Variants in RNF11 observed in about 807,000 individuals in gnomAD.
RNF11 encodes ring finger protein 11.
RNF11 carries 4 observed loss-of-function variants against 15.8 expected under a neutral mutation model. The ratio of observed to expected loss-of-function variants is 0.25; its 90% CI spans 0.12 to 0.58. The LOEUF (loss-of-function observed/expected upper bound fraction) is 0.58, where lower values mean the gene tolerates loss of function less well. RNF11 is among the 20% of genes least tolerant of loss of function. RNF11 has a pLI of 0.91. For synonymous variants in RNF11, 68 were observed against 72.3 expected (o/e 0.94, Z 0.30); for missense variants, 139 against 194.4 (o/e 0.71, Z 1.70).
intron 1 of RNF11, among the ~76,000 whole-genome samples, chr1:51,237,820 T>A (rs1161189812): frequency 2.0e-5 from 3 of 152,168 alleles, no homozygotes; most frequent in Admixed American, 1.3e-4. Context: ...GCTTCAATAG[T>A]AGTAGTGCTT....
intron 1 of RNF11, among the ~76,000 whole-genome samples, chr1:51,254,310 G>A (rs1344836068): frequency 1.3e-5 from 2 of 151,960 alleles, no homozygotes; most frequent in Non-Finnish European, 2.9e-5. Context: ...TTTTTGAGAT[G>A]GAGTCTTGCT....
intron 1 of RNF11, among the ~76,000 whole-genome samples, chr1:51,237,810 G>A (rs1278097820): frequency 7.9e-5 from 12 of 152,114 alleles, no homozygotes; most frequent in Admixed American, 7.9e-4. Flanking sequence ...TTTCCAGAGG[G>A]CTTCAATAGT....
At chr1:51,254,050 A>G (rs1187160542) in intron 1 of RNF11, among the ~76,000 whole-genome samples, 1 of 152,206 alleles carries the variant, frequency 6.6e-6, no homozygotes, top group African/African-American at 2.4e-5. Context: ...ATCATCCTAA[A>G]TAATTTATCG....
chr1:51,240,622 T>A (rs1646825176), intron 1 of RNF11, among the ~76,000 whole-genome samples: 1 of 152,238 alleles, frequency 6.6e-6, no homozygotes, highest in Admixed American at 6.5e-5. Flanking sequence ...GTAATTTGGT[T>A]GAACGAATGA....
chr1:51,246,122 G>A (rs368930242), intron 1 of RNF11, among the ~76,000 whole-genome samples: 2 of 152,054 alleles, frequency 1.3e-5, no homozygotes, highest in Admixed American at 6.5e-5. Context: ...AAAAATAGCC[G>A]GGTGTGGTGG....
At chr1:51,246,933 G>A (rs998901147) in intron 1 of RNF11, among the ~76,000 whole-genome samples, 8 of 148,664 alleles carry the variant, frequency 5.4e-5, no homozygotes, top group Non-Finnish European at 1.2e-4. Flanking sequence ...AGTTATAATT[G>A]AGCCACTGCA....
Position 51,272,268 on chromosome 1 carries a change from A to G in RNF11, c.*946A>G, listed in dbSNP as rs1646982537. The stretch of plus-strand genomic sequence containing the variant: ...TAGTTACTCAGTTGTAAAAATTTTG[A>G]TTTATTCTCTTTCTTCTGACCTCCT... On this transcript the variant is annotated 3_prime_UTR_variant, in exon 3 of 3. Coordinates refer to ENST00000242719, the MANE Select transcript of RNF11 (RefSeq NM_014372.5). 1 of 152,596 alleles carries G rather than the reference A, an allele frequency of 6.6e-6. No individual in the cohort carries two copies. Among genetic ancestry groups the G allele is most frequent in the Non-Finnish European group, 1.5e-5 (1 of 68,012 alleles). The allele number at this position is 152,596 out of a possible 1,614,324, so 9.5% of individuals were successfully genotyped here. A position where few individuals can be genotyped will look rare whatever the true frequency, so the allele number is the denominator to read the frequency against.
chr1:51,242,326 T>C (rs1039243163), intron 1 of RNF11, among the ~76,000 whole-genome samples: 10 of 119,692 alleles, frequency 8.4e-5, no homozygotes, highest in African/African-American at 2.6e-4. Context: ...TCAAGATACC[T>C]TTTTTTTTTT....
intron 1 of RNF11, among the ~76,000 whole-genome samples, chr1:51,243,679 T>C (rs1646840002): frequency 6.6e-6 from 1 of 152,190 alleles, no homozygotes; most frequent in African/African-American, 2.4e-5. Context: ...CCTCAGGTAA[T>C]CCACTCACCT....
chr1:51,236,439 A>G lies in RNF11; in HGVS notation c.-318A>G, dbSNP rs1320781912. 1 of 218,500 alleles carries G rather than the reference A, an allele frequency of 4.6e-6. No homozygotes were observed. Among genetic ancestry groups the G allele is most frequent in the African/African-American group, 2.4e-5 (1 of 41,378 alleles). The allele number at this position is 218,500 out of a possible 1,614,324, so 13.5% of individuals were successfully genotyped here. A position where few individuals can be genotyped will look rare whatever the true frequency, so the allele number is the denominator to read the frequency against. ...CCCGCTGACCTGGATTAGGCCCAGC[A>G]GCTCCGTGGCCGCCGCCGCCCCGCG... On this transcript the variant is annotated 5_prime_UTR_variant, in exon 1 of 3. Transcript: ENST00000242719.
chr1:51,250,823 G>T (rs976632465), intron 1 of RNF11: 15 of 1,394,788 alleles, frequency 1.1e-5, no homozygotes, highest in Non-Finnish European at 1.3e-5. Context: ...AGCAGTCATC[G>T]ATACCAGCCA....
In RNF11 at chr1:51,270,132, TTTAA is replaced by T. The variant is rs781480664; in HGVS notation, c.293+14_293+17del. On this transcript the variant is annotated splice_region_variant and intron_variant, in intron 2 of 2. Transcript: ENST00000242719. ...CAGAAAAAAAGATCCGGGAGTAAGT[TTTAA>T]TTAATTTGTACATTTCAAAGTTTTA... 1 of 1,584,068 alleles carries T rather than the reference TTTAA, an allele frequency of 6.3e-7. No individual in the cohort carries two copies. Among genetic ancestry groups the T allele is most frequent in the Non-Finnish European group, 8.5e-7 (1 of 1,169,894 alleles).
At chr1:51,267,486 A>T (rs1482355576) in intron 1 of RNF11, among the ~76,000 whole-genome samples, 5 of 152,214 alleles carry the variant, frequency 3.3e-5, no homozygotes. Flanking sequence ...TCTAAAGGGA[A>T]CTAAGCACAA....
intron 1 of RNF11, among the ~76,000 whole-genome samples, chr1:51,257,403 G>A (rs1646908599): frequency 6.6e-6 from 1 of 152,212 alleles, no homozygotes; most frequent in South Asian, 2.1e-4. Context: ...GGCCCCAATT[G>A]GGTCCACTTG....
At chr1:51,246,433 G>T (rs1036858542) in intron 1 of RNF11, among the ~76,000 whole-genome samples, 1 of 152,118 alleles carries the variant, frequency 6.6e-6, no homozygotes, top group East Asian at 1.9e-4. Context: ...AAATTAGTCA[G>T]GTGTGTTGGC....
At chr1:51,255,283 CAG>C (rs1646899394) in intron 1 of RNF11, among the ~76,000 whole-genome samples, 1 of 152,096 alleles carries the variant, frequency 6.6e-6, no homozygotes, top group South Asian at 2.1e-4. Context: ...TTTTTAGTGA[CAG>C]GGTCTCACAC....
intron 1 of RNF11, among the ~76,000 whole-genome samples, chr1:51,246,886 G>C (rs1372519094): frequency 6.6e-6 from 1 of 151,284 alleles, no homozygotes; most frequent in Non-Finnish European, 1.5e-5. Context: ...GCTGAGGCAG[G>C]AGGGTTACCT....
intron 1 of RNF11, among the ~76,000 whole-genome samples, chr1:51,245,051 T>C (rs766043876): frequency 3.3e-5 from 5 of 152,204 alleles, no homozygotes; most frequent in South Asian, 2.1e-4. Flanking sequence ...GAAATACTTA[T>C]GTAGATTGGG....
At chr1:51,251,262 A>C (rs1646876187) in intron 1 of RNF11, 2 of 1,340,962 alleles carry the variant, frequency 1.5e-6, no homozygotes, top group Non-Finnish European at 2.1e-6. Flanking sequence ...CTTGATCTTC[A>C]TGTCCTTCAC....
Sources: gnomAD v4.1 joint callset for allele counts (sites outside exome capture counted in the v4.1 genomes callset) on GRCh38, gnomAD v4.1.1 for gene constraint, MANE v1.5 for transcripts, NCBI Gene and HGNC (gene_info 2026-07-23, HGNC 2026-07-21) for gene names.